The following PRR11 variants were observed in gnomAD, a reference collection of about 807,000 sequenced individuals.
PRR11 encodes proline rich 11.
PRR11 carries 30 observed loss-of-function variants against 45.6 expected under a neutral mutation model. The ratio of observed to expected loss-of-function variants is 0.66; its 90% CI spans 0.49 to 0.89. The LOEUF (loss-of-function observed/expected upper bound fraction) is 0.89, where lower values mean the gene tolerates loss of function less well. Ranked by LOEUF, PRR11 falls within the 40% of genes least tolerant of loss-of-function variation. The pLI, the probability that PRR11 is intolerant of heterozygous loss-of-function variation, is 0.00. For missense variants in PRR11, 373 were observed against 424.8 expected, an observed-to-expected ratio of 0.88 and a Z score of 1.07; for synonymous variants, 128 against 153.5, an observed-to-expected ratio of 0.83 and a Z score of 1.23.
rs756036842 is a variant in PRR11 at position 59,194,877 on chromosome 17, A to G, written c.744+22A>G. On this transcript the variant is annotated intron_variant, in intron 6 of 9. Coordinates refer to ENST00000262293, the MANE Select transcript of PRR11 (RefSeq NM_018304.4). ...GAAGGTAAGATGTCATTGACCACATACATGCTCTTTTTGCTTTTAACAATA... is the reference window on the plus strand; with the variant it reads ...GAAGGTAAGATGTCATTGACCACATGCATGCTCTTTTTGCTTTTAACAATA... 7.0e-6 allele frequency: 11 copies of G among 1,581,348 alleles called. No homozygotes were observed. The South Asian group carries it at 1.2e-4, about 18-fold the overall frequency.
intron 7 of PRR11, among the ~76,000 whole-genome samples, chr17:59,196,087 C>CAAA (rs57940331): frequency 2.0e-4 from 14 of 71,226 alleles, no homozygotes; most frequent in Non-Finnish European, 3.7e-4. Flanking sequence ...GACTCCATCT[C>CAAA]AAAAAAAAAA....
intron 2 of PRR11, among the ~76,000 whole-genome samples, chr17:59,174,760 C>T (rs558816725): frequency 6.6e-6 from 1 of 152,306 alleles, no homozygotes; most frequent in South Asian, 2.1e-4. Context: ...GACCTCAGGC[C>T]TCACAGTCCC....
In PRR11 at chr17:59,185,051, C is replaced by A; in HGVS notation, c.129-3C>A. 6.2e-7 allele frequency: 1 copy of A among 1,611,914 alleles called. No homozygotes were observed. Among genetic ancestry groups the A allele is most frequent in the Admixed American group, 1.7e-5 (1 of 59,720 alleles). The stretch of plus-strand genomic sequence containing the variant: ...TATTTGTTTCATTTTGTTTTTCCTA[C>A]AGAGTCGGTATTTCTTCAATAGATA... On this transcript the variant is annotated splice_polypyrimidine_tract_variant and splice_region_variant and intron_variant, in intron 2 of 9. Coordinates refer to ENST00000262293, the MANE Select transcript of PRR11 (RefSeq NM_018304.4).
chr17:59,174,983 C>T (rs2046735678), intron 2 of PRR11: 1 of 793,076 alleles, frequency 1.3e-6, no homozygotes, highest in South Asian at 1.4e-5. Flanking sequence ...CCAGGGAAAC[C>T]CAAGCCCTCC....
intron 2 of PRR11, chr17:59,175,223 C>T (rs1426281656): frequency 2.9e-5 from 12 of 418,300 alleles, no homozygotes; most frequent in Non-Finnish European, 5.5e-5. Context: ...GGACGATCCT[C>T]AGCTCAGGAC....
At chr17:59,184,772 A>G (rs1357091867) in intron 2 of PRR11, among the ~76,000 whole-genome samples, 1 of 152,034 alleles carries the variant, frequency 6.6e-6, no homozygotes, top group Non-Finnish European at 1.5e-5. Flanking sequence ...TTGTGGAATG[A>G]AAAGCTCTGA....
chr17:59,180,039 C>T (rs547850571), intron 2 of PRR11, among the ~76,000 whole-genome samples: 6 of 151,916 alleles, frequency 3.9e-5, no homozygotes, highest in Admixed American at 6.6e-5. Flanking sequence ...CCCCATGAGC[C>T]GCTCCTTCCC....
At chr17:59,177,017 G>A (rs2046750922) in intron 2 of PRR11, among the ~76,000 whole-genome samples, 1 of 152,134 alleles carries the variant, frequency 6.6e-6, no homozygotes, top group South Asian at 2.1e-4. Flanking sequence ...TTTAGAAACA[G>A]CAGTCTAAAA....
chr17:59,169,093 C>CTTTTTTTT (rs780548478), intron 1 of PRR11, among the ~76,000 whole-genome samples: 4 of 106,726 alleles, frequency 3.7e-5, no homozygotes, highest in African/African-American at 7.9e-5. Flanking sequence ...GAAACATATT[C>CTTTTTTTT]TTTTTTTTTT....
intron 7 of PRR11, 132 bp downstream of exon 7, chr17:59,195,575 A>G: frequency 3.5e-6 from 2 of 575,004 alleles, no homozygotes; most frequent in Non-Finnish European, 5.9e-6. Flanking sequence ...TGCTCATTAT[A>G]GAAAAACTGA....
At chr17:59,157,713 A>G (rs1349417282) in intron 1 of PRR11, among the ~76,000 whole-genome samples, 2 of 152,176 alleles carry the variant, frequency 1.3e-5, no homozygotes, top group Middle Eastern at 3.4e-3. Flanking sequence ...CCCCCCAAAA[A>G]AAAAAAAATT....
At chr17:59,173,470 C>T (rs1163765471) in intron 2 of PRR11, among the ~76,000 whole-genome samples, 2 of 152,212 alleles carry the variant, frequency 1.3e-5, no homozygotes, top group African/African-American at 4.8e-5. Context: ...TCTGCAGCTT[C>T]ACTTCTGAAG....
intron 2 of PRR11, among the ~76,000 whole-genome samples, chr17:59,180,992 G>GT (rs1568322946): frequency 1.3e-5 from 2 of 151,030 alleles, no homozygotes; most frequent in Admixed American, 6.6e-5. Context: ...TTTTTTTGTT[G>GT]TTTTTTTGTT....
At chr17:59,181,787 A>G in intron 2 of PRR11, 1 of 1,548,838 alleles carries the variant, frequency 6.5e-7, no homozygotes, top group Non-Finnish European at 8.8e-7. Flanking sequence ...TGCTTCTGCA[A>G]CTGATCACCT....
intron 2 of PRR11, chr17:59,177,190 C>T: frequency 1.8e-6 from 1 of 548,246 alleles, no homozygotes; most frequent in South Asian, 1.4e-5. Flanking sequence ...TAAATGAATG[C>T]ATTGGTATTG....
At chr17:59,178,327 G>T in intron 2 of PRR11, 1 of 386,796 alleles carries the variant, frequency 2.6e-6, no homozygotes, top group African/African-American at 2.1e-5. Context: ...GAGCGAGACT[G>T]TCTCACAAAA....
chr17:59,172,995 G>A (rs1362263869), intron 2 of PRR11, among the ~76,000 whole-genome samples: 2 of 152,250 alleles, frequency 1.3e-5, no homozygotes, highest in Non-Finnish European at 2.9e-5. Context: ...AGTCTAGTGG[G>A]GACTTGGAGA....
chr17:59,173,540 G>C (rs1412681196), intron 2 of PRR11, among the ~76,000 whole-genome samples: 1 of 152,062 alleles, frequency 6.6e-6, no homozygotes, highest in Non-Finnish European at 1.5e-5. Context: ...TGCCTTAAGA[G>C]CTGTAACACT....
rs542526715 is a variant in PRR11 at position 59,157,617 on chromosome 17, G to A, written c.-6+1812G>A. Among the ~76,000 whole-genome samples, 4 of 151,972 alleles carry A rather than the reference G, an allele frequency of 2.6e-5. No individual in the cohort carries two copies. In the South Asian group the frequency reaches 6.2e-4, roughly 24 times the overall value. ...CTCAAGAGGCTGAAGCAGGATAATC[G>A]CTTGAACCCAGGAGGTGGAGGTGGC... On this transcript the variant is annotated intron_variant, in intron 1 of 9. Transcript: ENST00000262293.
Sources: gnomAD v4.1 joint callset for allele counts (sites outside exome capture counted in the v4.1 genomes callset) on GRCh38, gnomAD v4.1.1 for gene constraint, MANE v1.5 for transcripts, NCBI Gene and HGNC (gene_info 2026-07-23, HGNC 2026-07-21) for gene names.